PABPC4L: variants seen among roughly 807,000 people sequenced by gnomAD.
PABPC4L encodes the protein poly(A) binding protein cytoplasmic 4 like, also known as polyadenylate-binding protein 4-like.
For missense variants in PABPC4L, 452 were observed against 451.4 expected (o/e 1.00, Z -0.01); for synonymous variants, 169 against 164.1 (o/e 1.03, Z -0.23).
chr4:133,949,904 G>T, the PABPC4L span, among the ~76,000 whole-genome samples: 4 of 152,250 alleles, frequency 2.6e-5, no homozygotes, highest in African/African-American at 9.6e-5. Context: ...CTAAATACGG[G>T]AGTCCATATA....
chr4:134,050,880 ATT>A, the PABPC4L span, among the ~76,000 whole-genome samples: 45,352 of 134,346 alleles, frequency 0.34, 8,509 homozygotes, highest in East Asian at 0.86. Flanking sequence ...ATTGACCTTT[ATT>A]TTTTTTTTTT....
chr4:134,180,567 A>C, the PABPC4L span, among the ~76,000 whole-genome samples: 1 of 151,822 alleles, frequency 6.6e-6, no homozygotes, highest in Non-Finnish European at 1.5e-5. Flanking sequence ...GCAAAAAATC[A>C]TACAAGAGAT....
the PABPC4L span, among the ~76,000 whole-genome samples, chr4:133,984,823 C>A: frequency 6.6e-6 from 1 of 151,780 alleles, no homozygotes; most frequent in African/African-American, 2.4e-5. Context: ...TTGTAAGTTT[C>A]TCTTTCTTGC....
the PABPC4L span, among the ~76,000 whole-genome samples, chr4:133,965,190 AT>A: frequency 6.6e-6 from 1 of 152,086 alleles, no homozygotes; most frequent in East Asian, 1.9e-4. Context: ...CAAGCAGCAA[AT>A]TAAATCAAGA....
the PABPC4L span, among the ~76,000 whole-genome samples, chr4:134,173,159 C>CAAAAAAAAAAAAAA: frequency 5.1e-5 from 4 of 77,996 alleles, no homozygotes; most frequent in African/African-American, 9.2e-5. Context: ...GGAGATTCCT[C>CAAAAAAAAAAAAAA]AAAAAAAAAA....
the PABPC4L span, among the ~76,000 whole-genome samples, chr4:133,998,702 T>C: frequency 5.9e-5 from 9 of 152,098 alleles, no homozygotes; most frequent in East Asian, 1.5e-3. Context: ...TTCTTAGGTC[T>C]ATAGTTCAAT....
At chr4:134,053,447 T>G in the PABPC4L span, among the ~76,000 whole-genome samples, 248 of 152,114 alleles carry the variant, frequency 1.6e-3, no homozygotes, top group African/African-American at 5.5e-3. Flanking sequence ...GCAAGGCAGG[T>G]AAAATCAACA....
At chr4:134,157,749 T>A in the PABPC4L span, among the ~76,000 whole-genome samples, 3 of 151,920 alleles carry the variant, frequency 2.0e-5, no homozygotes, top group Non-Finnish European at 4.4e-5. Flanking sequence ...TCTATTTTTA[T>A]CACTTTTTAA....
chr4:134,019,848 CTG>C, the PABPC4L span, among the ~76,000 whole-genome samples: 1 of 152,024 alleles, frequency 6.6e-6, no homozygotes, highest in African/African-American at 2.4e-5. Flanking sequence ...GAAAGAGACA[CTG>C]GGGTTGGCAG....
At chr4:134,048,939 A>G in the PABPC4L span, among the ~76,000 whole-genome samples, 1 of 152,214 alleles carries the variant, frequency 6.6e-6, no homozygotes, top group South Asian at 2.1e-4. Context: ...TTATGTTAGT[A>G]ATTGTGTAAA....
At chr4:134,103,775 T>C in the PABPC4L span, among the ~76,000 whole-genome samples, 12 of 151,730 alleles carry the variant, frequency 7.9e-5, no homozygotes, top group Non-Finnish European at 1.3e-4. Context: ...TCAAGAGAAG[T>C]AGTAATATAG....
rs1464607456 is a variant in PABPC4L, at chr4:134,200,138, T to C, written c.882A>G (p.Lys294=). The C allele has an allele frequency of 6.4e-7, 1 of 1,551,364 alleles. No individual in the cohort carries two copies. The highest frequency in any genetic ancestry group is 2.0e-5 in the Admixed American group (1 of 50,964). The change falls in exon 2 of 2, where the codon AAA becomes AAG. Residue 294 remains lysine (K), a synonymous_variant. Transcript: ENST00000421491. ...TGTCATCAAGGTTCTTAATATAGAG[T>C]TTTACCCCCTGGCACCCACGAATTC... ...RERIRGCQGV[K]LYIKNLDDTI...
the PABPC4L span, among the ~76,000 whole-genome samples, chr4:134,010,875 C>T: frequency 6.6e-6 from 1 of 151,786 alleles, no homozygotes; most frequent in Non-Finnish European, 1.5e-5. Context: ...CAATCTCTGT[C>T]ACACATGTTA....
the PABPC4L span, among the ~76,000 whole-genome samples, chr4:134,003,064 T>G: frequency 6.6e-6 from 1 of 151,866 alleles, no homozygotes; most frequent in Non-Finnish European, 1.5e-5. Flanking sequence ...ATTTCAGGGG[T>G]GTCTCACTTC....
At chr4:134,027,794 T>G in the PABPC4L span, among the ~76,000 whole-genome samples, 1 of 152,284 alleles carries the variant, frequency 6.6e-6, no homozygotes, top group Admixed American at 6.5e-5. Context: ...ATTGTCAATT[T>G]ACAATCTTTA....
At chr4:134,010,210 T>G in the PABPC4L span, among the ~76,000 whole-genome samples, 7 of 152,088 alleles carry the variant, frequency 4.6e-5, no homozygotes, top group Non-Finnish European at 8.8e-5. Context: ...TACTTCTATT[T>G]ATATTATGTA....
the PABPC4L span, among the ~76,000 whole-genome samples, chr4:134,188,934 G>A: frequency 6.6e-3 from 995 of 151,500 alleles, 10 homozygotes; most frequent in African/African-American, 0.022. Flanking sequence ...TTCATTATTC[G>A]TATGTTACAC....
the PABPC4L span, among the ~76,000 whole-genome samples, chr4:134,004,491 A>G: frequency 1.3e-5 from 2 of 151,862 alleles, no homozygotes; most frequent in Non-Finnish European, 2.9e-5. Context: ...GTGTTGGCAC[A>G]GATGTGGAGA....
the PABPC4L span, among the ~76,000 whole-genome samples, chr4:134,009,899 T>C: frequency 6.6e-6 from 1 of 152,122 alleles, no homozygotes; most frequent in African/African-American, 2.4e-5. Flanking sequence ...GGGCTGAGTT[T>C]GATCTTAATT....
Sources: allele counts gnomAD v4.1 joint callset (sites outside exome capture counted in the v4.1 genomes callset), GRCh38; gene constraint gnomAD v4.1.1; transcripts MANE v1.5; gene names NCBI Gene and HGNC (gene_info 2026-07-23, HGNC 2026-07-21).